Variants in AGA observed in about 807,000 individuals in gnomAD.
The protein encoded by AGA is N(4)-(beta-N-acetylglucosaminyl)-L-asparaginase.
Under a neutral mutation model 40.1 loss-of-function variants are expected in AGA, and 31 were observed. That is an observed-to-expected ratio of 0.77 (90% CI 0.58 to 1.04). The LOEUF (loss-of-function observed/expected upper bound fraction) is 1.04, where lower values mean the gene tolerates loss of function less well. Ranked by LOEUF, AGA falls within the 50% of genes least tolerant of loss-of-function variation. The probability of loss-of-function intolerance (pLI) is 0.00; values close to 1 mark genes in which losing one functional copy is unlikely to be tolerated. For missense variants in AGA, 445 were observed against 435.4 expected (o/e 1.02, Z -0.20); for synonymous variants, 148 against 144.0 (o/e 1.03, Z -0.20).
Position 177,442,358 on chromosome 4 carries a change from G to C in AGA, c.18C>G (p.Asn6Lys), listed in dbSNP as rs1579047707. The change falls in exon 1 of 9, where the codon AAC (asparagine) becomes AAG (lysine). Residue 6 changes from asparagine (N) to lysine (K), a missense_variant. By Grantham distance (94) the Asn-to-Lys change is moderately conservative. Transcript: ENST00000264595. MARKS[N>K]LPVLLVPFLL... ...GAAACGGCACGAGAAGCACAGGCAA[G>C]TTCGACTTCCGCGCCATCCCTGACC... is the stretch of plus-strand genomic sequence containing the variant. The C allele has an allele frequency of 6.2e-7, 1 of 1,614,108 alleles. No homozygotes were observed. The highest frequency in any genetic ancestry group is 8.5e-7 in the Non-Finnish European group (1 of 1,179,956).
At chr4:177,439,486 G>T in intron 3 of AGA, 90 bp downstream of exon 3, 3 of 961,026 alleles carry the variant, frequency 3.1e-6, no homozygotes, top group Non-Finnish European at 5.1e-6. Context: ...TTTGAACTTA[G>T]ATCTGGTTTT....
chr4:177,434,454 G>A lies in AGA; in HGVS notation c.734C>T (p.Ala245Val), dbSNP rs1351420899. 1.2e-6 allele frequency: 2 copies of A among 1,614,138 alleles called. No individual in the cohort carries two copies. Among genetic ancestry groups the A allele is most frequent in the Non-Finnish European group, 1.7e-6 (2 of 1,180,032 alleles). Reference protein sequence around the residue: ...VGDSPIPGAGAYADDTAGAAA... With the variant: ...VGDSPIPGAGVYADDTAGAAA... ...TGCCCCTGCAGTATCGTCAGCATAG[G>A]CTCCAGCTCCAGGTATTGGTGAGTC... is the stretch of plus-strand genomic sequence containing the variant. Residue 245 changes from alanine (A) to valine (V), a missense_variant, in exon 7 of 9, where the codon GCC (alanine) becomes GTC (valine). Ala to Val is a moderately conservative substitution (Grantham distance 64). Coordinates refer to ENST00000264595, the MANE Select transcript of AGA (RefSeq NM_000027.4).
At chr4:177,439,509 G>C (rs1736923553) in intron 3 of AGA, 67 bp downstream of exon 3, 1 of 1,138,022 alleles carries the variant, frequency 8.8e-7, no homozygotes, top group East Asian at 2.3e-5. Context: ...CCATGATTTT[G>C]TACTATTTTT....
chr4:177,442,225 CCCGCCCAGG>C lies in AGA; in HGVS notation c.127+15_127+23del. 6.2e-7 allele frequency: 1 copy of C among 1,612,484 alleles called. No individual in the cohort carries two copies. Among genetic ancestry groups the C allele is most frequent in the Non-Finnish European group, 8.5e-7 (1 of 1,179,400 alleles). ...CCCGCAAGCTCTCGCGGCGCAGCCG[CCCGCCCAGG>C]CCGCCAACCCGCACCTGCTTCGGTT... is the stretch of plus-strand genomic sequence containing the variant. On this transcript the variant is annotated intron_variant, in intron 1 of 8. Transcript: ENST00000264595.
intron 7 of AGA, 118 bp from the exon 8 acceptor site, chr4:177,433,465 A>T (rs750901527): frequency 6.9e-6 from 8 of 1,161,924 alleles, no homozygotes; most frequent in Non-Finnish European, 8.9e-6. Context: ...AATACACATA[A>T]ATGAACAAGA....
intron 5 of AGA, among the ~76,000 whole-genome samples, chr4:177,436,862 A>G (rs1364415731): frequency 6.6e-6 from 1 of 152,226 alleles, no homozygotes; most frequent in African/African-American, 2.4e-5. Context: ...GCTTAATGCC[A>G]TTATCGCAGG....
intron 4 of AGA, 74 bp downstream of exon 4, chr4:177,438,671 G>A (rs748919715): frequency 5.6e-5 from 57 of 1,024,592 alleles, no homozygotes; most frequent in Non-Finnish European, 8.3e-5. Context: ...ACAACAGGCA[G>A]GCAACACTGA....
In AGA at chr4:177,439,668, G is replaced by A. The variant is rs121964908; in HGVS notation, c.302C>T (p.Ala101Val). Reference sequence around the variant, plus strand: ...TTTAATTCGTCTGAGATCTCCTACTGCTCCTACATCCATAGTAGTGCTGCA... The same window carrying A: ...TTTAATTCGTCTGAGATCTCCTACTACTCCTACATCCATAGTAGTGCTGCA... ...IMDGTTMDVG[A>V]VGDLRRIKNA... The change falls in exon 3 of 9, where the codon GCA becomes GTA. Residue 101 changes from alanine to valine, a missense_variant. Transcript: ENST00000264595. 7 of 1,609,736 alleles carry A rather than the reference G, an allele frequency of 4.3e-6. No homozygotes were observed. The South Asian group carries it at 4.4e-5, about 10-fold the overall frequency.
chr4:177,436,417 T>G, intron 5 of AGA, 66 bp from the exon 6 acceptor site: 3 of 1,296,184 alleles, frequency 2.3e-6, no homozygotes. Flanking sequence ...ACCAAATAAT[T>G]GAGCAACTGG....
chr4:177,439,720 A>G, intron 2 of AGA, 32 bp from the exon 3 acceptor site: 2 of 1,481,692 alleles, frequency 1.3e-6, no homozygotes, highest in Non-Finnish European at 1.9e-6. Context: ...TTAGGAATTA[A>G]GGAGTTTTCA....
intron 4 of AGA, among the ~76,000 whole-genome samples, chr4:177,438,305 A>G (rs1413254666): frequency 6.6e-6 from 1 of 152,210 alleles, no homozygotes; most frequent in African/African-American, 2.4e-5. Flanking sequence ...AAGTCTCATT[A>G]AAGAAAAATT....
chr4:177,435,857 A>G (rs79949209), intron 6 of AGA, among the ~76,000 whole-genome samples: 68,789 of 149,466 alleles, frequency 0.46, 17,078 homozygotes, highest in South Asian at 0.67. Context: ...GCACGCACAC[A>G]CACACACACA....
rs1426173868 is a variant in AGA at position 177,431,321 on chromosome 4, T to C, written c.*387A>G. 1 of 448,788 alleles carries C rather than the reference T, an allele frequency of 2.2e-6. No homozygotes were observed. The highest frequency in any genetic ancestry group is 6.9e-5 in the East Asian group (1 of 14,398). The allele number at this position is 448,788 out of a possible 1,614,324, so 27.8% of individuals were successfully genotyped here. A position where few individuals can be genotyped will look rare whatever the true frequency, so the allele number is the denominator to read the frequency against. On this transcript the variant is annotated 3_prime_UTR_variant, in exon 9 of 9. Transcript: ENST00000264595. Reference sequence around the variant, plus strand: ...TCATGCTGAGACTCTGCTGTTTTTTTCTTTGGGTCTAAAAAACTTGTATAC... The same window carrying C: ...TCATGCTGAGACTCTGCTGTTTTTTCCTTTGGGTCTAAAAAACTTGTATAC...
chr4:177,440,465 A>G (rs201174810), intron 1 of AGA, 39 bp from the exon 2 acceptor site: 24 of 1,558,996 alleles, frequency 1.5e-5, no homozygotes, highest in Non-Finnish European at 2.0e-5. Flanking sequence ...TTATATATAT[A>G]TTTTTTTTTC....
chr4:177,435,853 A>G (rs72704917), intron 6 of AGA, among the ~76,000 whole-genome samples: 6 of 944 alleles, frequency 6.4e-3, no homozygotes, highest in East Asian at 0.056. Flanking sequence ...GCGTGCACGC[A>G]CACACACACA....
At chr4:177,437,205 AT>A in intron 5 of AGA, 199 bp downstream of exon 5, 3 of 550,958 alleles carry the variant, frequency 5.4e-6, no homozygotes, top group Non-Finnish European at 9.7e-6. Context: ...GTGAATAGTC[AT>A]TGGGTTTTAG....
rs1350210834 is a variant in AGA at position 177,430,921 on chromosome 4, AAAC to A, written c.*784_*786del. 5 of 453,990 alleles carry A rather than the reference AAAC, an allele frequency of 1.1e-5. No individual in the cohort carries two copies. The highest frequency in any genetic ancestry group is 4.7e-5 in the Admixed American group (2 of 42,550). The allele number at this position is 453,990 out of a possible 1,614,324, so 28.1% of individuals were successfully genotyped here. A position where few individuals can be genotyped will look rare whatever the true frequency, so the allele number is the denominator to read the frequency against. On this transcript the variant is annotated 3_prime_UTR_variant, in exon 9 of 9. Transcript: ENST00000264595. The stretch of plus-strand genomic sequence containing the variant: ...AGAAGTTAGGGAAACAAACCAAGCT[AAAC>A]AACCCATTTCTTGACTTCTAATTGC...
At chr4:177,438,943 G>T in intron 3 of AGA, 86 bp from the exon 4 acceptor site, 1 of 813,292 alleles carries the variant, frequency 1.2e-6, no homozygotes, top group Non-Finnish European at 2.1e-6. Flanking sequence ...TTCTGGGTCA[G>T]CAGCATCTTA....
chr4:177,435,080 T>C (rs1736768182), intron 6 of AGA, among the ~76,000 whole-genome samples: 1 of 150,972 alleles, frequency 6.6e-6, no homozygotes, highest in African/African-American at 2.5e-5. Context: ...TTTTGTATTT[T>C]TTTTTTTTTC....
Sources: gnomAD v4.1 joint callset for allele counts (sites outside exome capture counted in the v4.1 genomes callset) on GRCh38, gnomAD v4.1.1 for gene constraint, MANE v1.5 for transcripts, NCBI Gene and HGNC (gene_info 2026-07-23, HGNC 2026-07-21) for gene names.